Variants in AGAP6 observed in about 807,000 individuals in gnomAD.
AGAP6 encodes arf-GAP with GTPase, ANK repeat and PH domain-containing protein 6.
A neutral mutation model predicts 63.9 loss-of-function variants in AGAP6; 29 were observed. The ratio of observed to expected loss-of-function variants is 0.45; its 90% CI spans 0.34 to 0.62. The LOEUF (loss-of-function observed/expected upper bound fraction) is 0.62, where lower values mean the gene tolerates loss of function less well. Ranked by LOEUF, AGAP6 falls within the 20% of genes least tolerant of loss-of-function variation. The pLI, the probability that AGAP6 is intolerant of heterozygous loss-of-function variation, is 0.01. For synonymous variants in AGAP6, 199 were observed against 332.9 expected (o/e 0.60, Z 4.38); for missense variants, 493 against 884.9 (o/e 0.56, Z 5.62).
At position 50,001,985 on chromosome 10, in the gene AGAP6, T is replaced by C; in HGVS notation, c.397-11T>C. On this transcript the variant is annotated splice_polypyrimidine_tract_variant and intron_variant, in intron 4 of 7. Coordinates refer to ENST00000412531, the MANE Select transcript of AGAP6 (RefSeq NM_001077665.3). ...TTGATAAGTTTGACTTACAGTTCCC[T>C]TCCCCTTCAGGTATCTGCTGTGCGT... is the stretch of plus-strand genomic sequence containing the variant. The C allele has an allele frequency of 6.2e-7, 1 of 1,612,346 alleles. No homozygotes were observed. Among genetic ancestry groups the C allele is most frequent in the Non-Finnish European group, 8.5e-7 (1 of 1,179,988 alleles).
At position 49,991,716 on chromosome 10, in the gene AGAP6, A is replaced by G. The variant is rs1841287612; in HGVS notation, c.333A>G (p.Thr111=). ...CTTCTGCCAATCCAGAGGCAAGCAC[A>G]ATATTCCAGAGGAACTCTCAAACAG... ...FNPSANPEAS[T]IFQRNSQTDV... Residue 111 remains threonine (T), a synonymous_variant, in exon 3 of 8, where the codon ACA becomes ACG. Coordinates refer to ENST00000412531, the MANE Select transcript of AGAP6 (RefSeq NM_001077665.3). 1 of 1,598,858 alleles carries G rather than the reference A, an allele frequency of 6.3e-7. No individual in the cohort carries two copies. Among genetic ancestry groups the G allele is most frequent in the African/African-American group, 1.3e-5 (1 of 74,980 alleles).
chr10:49,996,250 A>T (rs190780949), intron 4 of AGAP6, among the ~76,000 whole-genome samples: 279 of 151,308 alleles, frequency 1.8e-3, no homozygotes, highest in African/African-American at 6.5e-3. Context: ...ATTTTTTTTT[A>T]AAGTTTTGCT....
intron 4 of AGAP6, among the ~76,000 whole-genome samples, chr10:49,995,429 C>T (rs1451261392): frequency 5.9e-5 from 9 of 152,118 alleles, no homozygotes; most frequent in Non-Finnish European, 1.0e-4. Flanking sequence ...TGACTATATT[C>T]ATTTGCCTAT....
chr10:49,990,104 C>T (rs1554860527), intron 2 of AGAP6, among the ~76,000 whole-genome samples: 1 of 152,106 alleles, frequency 6.6e-6, no homozygotes, highest in African/African-American at 2.4e-5. Flanking sequence ...CCCGTTTGTC[C>T]CTTCCCCTCC....
Position 49,991,726 on chromosome 10 carries a change from A to AG in AGAP6, c.345dup (p.Asn116GlufsTer36). On this transcript the variant is annotated frameshift_variant, in exon 3 of 8. Transcript: ENST00000412531. LOFTEE classifies it high-confidence loss of function. ...TCCAGAGGCAAGCACAATATTCCAG[A>AG]GGAACTCTCAAACAGATGGTGAGAC... 6.3e-7 allele frequency: 1 copy of AG among 1,598,734 alleles called. No homozygotes were observed. Among genetic ancestry groups the AG allele is most frequent in the Non-Finnish European group, 8.5e-7 (1 of 1,179,728 alleles).
At chr10:50,000,200 A>G (rs1589096809) in intron 4 of AGAP6, among the ~76,000 whole-genome samples, 1 of 59,510 alleles carries the variant, frequency 1.7e-5, no homozygotes, top group Non-Finnish European at 3.0e-5. Context: ...ACGTTAGAGT[A>G]TTTGTTTCTA....
chr10:49,994,415 A>G lies in AGAP6; in HGVS notation c.382A>G (p.Asn128Asp), dbSNP rs201486718. The G allele has an allele frequency of 6.5e-7, 1 of 1,535,036 alleles. No homozygotes were observed. The change falls in exon 4 of 8, where the codon AAC becomes GAC. Residue 128 changes from asparagine to aspartate, a missense_variant. Around this residue, in one of 7 missense-constraint regions of AGAP6, gnomAD observed 342 missense variants for 533.4 expected, o/e 0.64. Transcript: ENST00000412531. ...QTDVVEIRRSNCTNHVSAVRF... is the reference protein window; with the variant it reads ...QTDVVEIRRSDCTNHVSAVRF... ...CTTAGTTGTAGAAATAAGAAGAAGC[A>G]ACTGTACAAACCATGTAAGTAAACA...
intron 6 of AGAP6, among the ~76,000 whole-genome samples, chr10:50,005,224 T>C (rs1341133118): frequency 1.3e-5 from 2 of 152,214 alleles, no homozygotes; most frequent in African/African-American, 4.8e-5. Flanking sequence ...GAGTAAAAAG[T>C]GCGTCATGTA....
At chr10:49,990,421 G>A (rs1841223632) in intron 2 of AGAP6, among the ~76,000 whole-genome samples, 3 of 152,206 alleles carry the variant, frequency 2.0e-5, no homozygotes. Flanking sequence ...CTCCAGCCTG[G>A]GTGACAGAGC....
chr10:50,005,640 G>A (rs1291365327), intron 6 of AGAP6, among the ~76,000 whole-genome samples: 3 of 151,878 alleles, frequency 2.0e-5, no homozygotes, highest in Non-Finnish European at 4.4e-5. Context: ...CAATAAGCTG[G>A]TGGGGCGCAG....
intron 6 of AGAP6, 137 bp from the exon 7 acceptor site, chr10:50,007,888 A>G: frequency 2.1e-6 from 3 of 1,412,314 alleles, no homozygotes; most frequent in Non-Finnish European, 2.9e-6. Context: ...TCTGCAAGTC[A>G]GGATCCAATA....
chr10:49,989,071 A>T, intron 1 of AGAP6, 133 bp downstream of exon 1: 1 of 1,555,840 alleles, frequency 6.4e-7, no homozygotes. Flanking sequence ...CTGGCCAGGA[A>T]CAAAAGCTGG....
intron 4 of AGAP6, among the ~76,000 whole-genome samples, chr10:49,997,279 A>T (rs4043254): frequency 1.6e-4 from 24 of 152,058 alleles, no homozygotes; most frequent in Admixed American, 5.9e-4. Flanking sequence ...TTTAAGTTAA[A>T]TAAGATTTGT....
chr10:49,997,240 T>G (rs1379969223), intron 4 of AGAP6, among the ~76,000 whole-genome samples: 1 of 151,984 alleles, frequency 6.6e-6, no homozygotes, highest in Non-Finnish European at 1.5e-5. Context: ...ATGGAGCTGT[T>G]TTCCTGAATG....
chr10:50,008,811 C>G lies in AGAP6; in HGVS notation c.686C>G (p.Pro229Arg), dbSNP rs782317368. The change falls in exon 8 of 8, where the codon CCT (proline) becomes CGT (arginine). Residue 229 changes from proline to arginine, a missense_variant. Physicochemically the swap from Pro to Arg is moderately radical, Grantham distance 103. This residue lies in a region of AGAP6 where 342 missense variants were observed against 533.4 expected (regional missense o/e 0.64). Coordinates refer to ENST00000412531, the MANE Select transcript of AGAP6 (RefSeq NM_001077665.3). ...ACTCCCAGCACCAGCCAGGAGGACC[C>G]TCAGTTCAGTGTTCCTCCCACTGCC... Reference protein sequence around the residue: ...PSTPSTSQEDPQFSVPPTANT... With the variant: ...PSTPSTSQEDRQFSVPPTANT... 4 of 1,614,080 alleles carry G rather than the reference C, an allele frequency of 2.5e-6. No homozygotes were observed. In the East Asian group the frequency reaches 8.9e-5, roughly 36 times the overall value.
intron 2 of AGAP6, among the ~76,000 whole-genome samples, chr10:49,991,288 T>C (rs1841263647): frequency 6.6e-6 from 1 of 152,046 alleles, no homozygotes; most frequent in Non-Finnish European, 1.5e-5. Context: ...ATATTTTGCC[T>C]ATAAAATAGA....
chr10:49,989,926 C>G (rs1366860014), intron 2 of AGAP6, among the ~76,000 whole-genome samples: 3 of 152,138 alleles, frequency 2.0e-5, no homozygotes, highest in Non-Finnish European at 2.9e-5. Context: ...ATTCTGGTGA[C>G]TTAACAGACT....
intron 3 of AGAP6, 50 bp downstream of exon 3, chr10:49,991,794 T>C (rs782362800): frequency 1.9e-6 from 3 of 1,597,032 alleles, no homozygotes; most frequent in Non-Finnish European, 2.5e-6. Flanking sequence ...AAGCTCTTGT[T>C]TGATCAGGTT....
At chr10:50,002,265 TGGAA>T (rs1260809909) in intron 5 of AGAP6, among the ~76,000 whole-genome samples, 169 bp downstream of exon 5, 9 of 108,920 alleles carry the variant, frequency 8.3e-5, no homozygotes, top group Non-Finnish European at 1.5e-4. Flanking sequence ...GACGTCGTGG[TGGAA>T]GGAAAAATCA....
Sources: allele counts gnomAD v4.1 joint callset (sites outside exome capture counted in the v4.1 genomes callset), GRCh38; gene constraint gnomAD v4.1.1; regional missense constraint gnomAD v4.1.1; transcripts MANE v1.5; gene names NCBI Gene and HGNC (gene_info 2026-07-23, HGNC 2026-07-21).